FARP1: variants seen among roughly 807,000 people sequenced by gnomAD.
FARP1 encodes the protein FERM, ARHGEF and pleckstrin domain-containing protein 1.
Under a neutral mutation model 128.8 loss-of-function variants are expected in FARP1, and 52 were observed. The observed-to-expected ratio is 0.40, with a 90% CI of 0.32 to 0.51. The LOEUF is 0.51. FARP1 is among the 20% of genes least tolerant of loss of function. The pLI, the probability that FARP1 is intolerant of heterozygous loss-of-function variation, is 0.45. For synonymous variants in FARP1, 580 were observed against 551.8 expected (o/e 1.05, Z -0.72); for missense variants, 1,333 against 1,367.9 (o/e 0.97, Z 0.40).
intron 16 of FARP1, among the ~76,000 whole-genome samples, chr13:98,422,632 GT>G (rs1292978252): frequency 5.3e-5 from 8 of 152,294 alleles, no homozygotes; most frequent in Middle Eastern, 3.4e-3. Flanking sequence ...AAATAATGCT[GT>G]TGATTGCCTG....
intron 2 of FARP1, among the ~76,000 whole-genome samples, chr13:98,294,588 A>T (rs572100027): frequency 5.3e-5 from 8 of 152,218 alleles, no homozygotes; most frequent in African/African-American, 1.7e-4. Flanking sequence ...ATAGACACAC[A>T]CCTGGCCTTT....
intron 13 of FARP1, chr13:98,405,664 G>A (rs1330449444): frequency 3.3e-5 from 5 of 152,146 alleles, no homozygotes; most frequent in Non-Finnish European, 7.3e-5. Flanking sequence ...CCAGACTTTC[G>A]GTGTGTGACT....
rs565563602 is a variant in FARP1, at chr13:98,148,537, A to C, written c.-24+5045A>C. The stretch of plus-strand genomic sequence containing the variant: ...CCAAATTTGACATTCTAATTGTTTT[A>C]TATGGTACTTGTCTGTAAATTTAAT... On this transcript the variant is annotated intron_variant, in intron 1 of 26. Coordinates refer to ENST00000319562, the MANE Select transcript of FARP1 (RefSeq NM_005766.4). Among the ~76,000 whole-genome samples, 331 of 152,314 alleles carry C rather than the reference A, an allele frequency of 2.2e-3. 4 individuals carry two copies. Among genetic ancestry groups the C allele is most frequent in the African/African-American group, 6.7e-3 (277 of 41,578 alleles).
chr13:98,446,777 G>T lies in FARP1; in HGVS notation c.3016G>T (p.Val1006Phe). Residue 1006 changes from valine (V) to phenylalanine (F), a missense_variant, in exon 26 of 27, where the codon GTC becomes TTC. Physicochemically the swap from Val to Phe is conservative, Grantham distance 50 (BLOSUM62 -1). Transcript: ENST00000319562. ...YVFKLHFKSH[V>F]YYFRAESEYT... is the part of the protein sequence containing the mutation. ...GTTCAAGCTGCACTTCAAGTCCCAC[G>T]TCTACTACTTCAGGGCGGAAAGCGA... 6.2e-7 allele frequency: 1 copy of T among 1,614,126 alleles called. No homozygotes were observed. Among genetic ancestry groups the T allele is most frequent in the South Asian group, 1.1e-5 (1 of 91,072 alleles).
intron 19 of FARP1, chr13:98,437,667 G>A (rs1892331792): frequency 1.5e-6 from 1 of 666,782 alleles, no homozygotes; most frequent in South Asian, 1.8e-5. Flanking sequence ...GGAAGATGGT[G>A]AGTTATCTGT....
At chr13:98,297,733 CT>C (rs1885761368) in intron 2 of FARP1, among the ~76,000 whole-genome samples, 1 of 152,122 alleles carries the variant, frequency 6.6e-6, no homozygotes, top group Non-Finnish European at 1.5e-5. Flanking sequence ...AAGGAAGCCC[CT>C]CTCTCTCATC....
intron 23 of FARP1, 110 bp from the exon 24 acceptor site, chr13:98,440,560 C>A: frequency 8.6e-7 from 1 of 1,166,746 alleles, no homozygotes; most frequent in South Asian, 1.5e-5. Context: ...GGTTGGGCAC[C>A]ACAGGTTGTG....
intron 1 of FARP1, among the ~76,000 whole-genome samples, chr13:98,206,177 T>TTG (rs3138577): frequency 0.019 from 2,824 of 146,508 alleles, 54 homozygotes; most frequent in African/African-American, 0.05. Flanking sequence ...TGACTTGAGG[T>TTG]TGTGTGTGTG....
chr13:98,324,882 A>G (rs16955332), intron 2 of FARP1, among the ~76,000 whole-genome samples: 5,952 of 152,298 alleles, frequency 0.039, 185 homozygotes, highest in African/African-American at 0.089. Flanking sequence ...CTTCTGACCT[A>G]TTGGCCTTCA....
chr13:98,217,088 G>T (rs4238213), intron 2 of FARP1, among the ~76,000 whole-genome samples: 96,568 of 152,004 alleles, frequency 0.64, 32,011 homozygotes, highest in African/African-American at 0.84. Flanking sequence ...CTCGTGACCC[G>T]GCGGGTAAAC....
At chr13:98,395,838 G>A in intron 13 of FARP1, 1 of 401,158 alleles carries the variant, frequency 2.5e-6, no homozygotes, top group African/African-American at 2.0e-5. Flanking sequence ...TCAAGGGCTC[G>A]GCTGGTCACA....
intron 4 of FARP1, among the ~76,000 whole-genome samples, chr13:98,366,377 A>G (rs11616790): frequency 0.2 from 31,134 of 152,206 alleles, 3,989 homozygotes; most frequent in Non-Finnish European, 0.3. Flanking sequence ...TGACAATGAA[A>G]TGGCCATCAT....
chr13:98,374,161 C>T (rs191058998), intron 5 of FARP1, among the ~76,000 whole-genome samples: 20 of 152,336 alleles, frequency 1.3e-4, no homozygotes, highest in Admixed American at 5.2e-4. Context: ...CAGTGGCTCA[C>T]ATCTGTAATC....
chr13:98,408,100 C>T lies in FARP1; in HGVS notation c.1415-1238C>T, dbSNP rs184799420. ...TTCCTTATCATGGTAGTAGACAGGA[C>T]TGCAGGTTATTTTAACTTTGCTTAC... On this transcript the variant is annotated intron_variant, in intron 13 of 26. Transcript: ENST00000319562. Among the ~76,000 whole-genome samples, 152 of 152,298 alleles carry T rather than the reference C, an allele frequency of 1.0e-3. 1 individual carries two copies. Among genetic ancestry groups the T allele is most frequent in the African/African-American group, 3.6e-3 (148 of 41,560 alleles).
chr13:98,440,970 G>T, intron 24 of FARP1, 134 bp downstream of exon 24: 2 of 891,606 alleles, frequency 2.2e-6, no homozygotes, highest in Non-Finnish European at 3.4e-6. Context: ...GCTGAGCAGG[G>T]AAGGATCAAC....
At chr13:98,409,061 C>T (rs1891086531) in intron 13 of FARP1, among the ~76,000 whole-genome samples, 1 of 152,172 alleles carries the variant, frequency 6.6e-6, no homozygotes, top group African/African-American at 2.4e-5. Context: ...TTTCGGGATA[C>T]ACTATGCTTT....
chr13:98,225,775 C>G (rs544592931), intron 2 of FARP1, among the ~76,000 whole-genome samples: 5 of 152,346 alleles, frequency 3.3e-5, no homozygotes, highest in African/African-American at 1.2e-4. Context: ...TGCTTAGCTT[C>G]CAAACTTATT....
chr13:98,340,492 G>T (rs1008248228), intron 2 of FARP1, among the ~76,000 whole-genome samples: 6 of 151,978 alleles, frequency 3.9e-5, no homozygotes, highest in African/African-American at 1.5e-4. Flanking sequence ...TTACAGGAGC[G>T]GGCCACCACA....
Position 98,183,937 on chromosome 13 carries a change from G to A in FARP1, c.-23-29283G>A, listed in dbSNP as rs143442957. ...TTGACATATGGTGGGCATGGCGGTT[G>A]TTCCCCCAGGCCCTTTCTTCACCCT... On this transcript the variant is annotated intron_variant, in intron 1 of 26. Coordinates refer to ENST00000319562, the MANE Select transcript of FARP1 (RefSeq NM_005766.4). Among the ~76,000 whole-genome samples, 127 of 152,200 alleles carry A rather than the reference G, an allele frequency of 8.3e-4. 1 individual carries two copies. Among genetic ancestry groups the A allele is most frequent in the African/African-American group, 2.0e-3 (84 of 41,536 alleles).
Sources: allele counts gnomAD v4.1 joint callset (sites outside exome capture counted in the v4.1 genomes callset), GRCh38; gene constraint gnomAD v4.1.1; transcripts MANE v1.5; gene names NCBI Gene and HGNC (gene_info 2026-07-23, HGNC 2026-07-21).